The following UGT1A9 variants were observed in gnomAD, a reference collection of about 807,000 sequenced individuals.
The protein encoded by UGT1A9 is UDP glucuronosyltransferase family 1 member A9.
UGT1A9 carries 35 observed loss-of-function variants against 45.0 expected under a neutral mutation model. The observed-to-expected ratio is 0.78, with a 90% confidence interval of 0.59 to 1.03. UGT1A9 has a LOEUF of 1.03. UGT1A9 is among the 50% of genes least tolerant of loss of function. The probability of loss-of-function intolerance (pLI) is 0.00; values close to 1 mark genes in which losing one functional copy is unlikely to be tolerated. For missense variants in UGT1A9, 687 were observed against 666.6 expected (o/e 1.03, Z -0.34); for synonymous variants, 278 against 250.6 (o/e 1.11, Z -1.03).
intron 1 of UGT1A9, chr2:233,721,797 A>C (rs7597496): frequency 3.9e-6 from 2 of 511,786 alleles, no homozygotes; most frequent in African/African-American, 3.9e-5. Context: ...TTTAAAGCAC[A>C]TGCAGCAAAA....
At chr2:233,685,615 C>A (rs1304035336) in intron 1 of UGT1A9, among the ~76,000 whole-genome samples, 1 of 152,224 alleles carries the variant, frequency 6.6e-6, no homozygotes, top group Non-Finnish European at 1.5e-5. Context: ...TTTATTTCAA[C>A]TTTTTATCAT....
chr2:233,746,409 A>G (rs1367378593), intron 1 of UGT1A9, among the ~76,000 whole-genome samples: 2 of 151,722 alleles, frequency 1.3e-5, no homozygotes, highest in Non-Finnish European at 2.9e-5. Flanking sequence ...AGTGTGTCCA[A>G]TGGTGACCTA....
chr2:233,746,916 C>G (rs1283872586), intron 1 of UGT1A9, among the ~76,000 whole-genome samples: 1 of 151,772 alleles, frequency 6.6e-6, no homozygotes, highest in Non-Finnish European at 1.5e-5. Flanking sequence ...TGGGTTTCCA[C>G]AGGCCTTTGT....
chr2:233,712,900 G>A, intron 1 of UGT1A9: 1 of 1,608,716 alleles, frequency 6.2e-7, no homozygotes, highest in Non-Finnish European at 8.5e-7. Context: ...GATTTGCTAG[G>A]TGTCTCAGTG....
At chr2:233,673,323 A>G (rs2074256860) in intron 1 of UGT1A9, among the ~76,000 whole-genome samples, 1 of 152,184 alleles carries the variant, frequency 6.6e-6, no homozygotes. Flanking sequence ...GACAAGTTCT[A>G]TTAATAATTG....
At chr2:233,749,888 T>C (rs1316797004) in intron 1 of UGT1A9, among the ~76,000 whole-genome samples, 2 of 151,790 alleles carry the variant, frequency 1.3e-5, no homozygotes. Flanking sequence ...TTCCTGAGGC[T>C]CCCCCCTCCA....
chr2:233,723,429 C>T (rs1350384184), intron 1 of UGT1A9, among the ~76,000 whole-genome samples: 7 of 134,596 alleles, frequency 5.2e-5, no homozygotes, highest in African/African-American at 1.5e-4. Context: ...AGGCTGGTCT[C>T]GAACTCCTGA....
At chr2:233,677,231 C>G (rs1158558873) in intron 1 of UGT1A9, among the ~76,000 whole-genome samples, 1 of 152,136 alleles carries the variant, frequency 6.6e-6, no homozygotes, top group African/African-American at 2.4e-5. Context: ...AATGTACAGT[C>G]TTTCACATCC....
intron 1 of UGT1A9, among the ~76,000 whole-genome samples, chr2:233,673,148 G>A (rs914780086): frequency 3.3e-5 from 5 of 151,930 alleles, no homozygotes; most frequent in Middle Eastern, 3.2e-3. Context: ...TTCTTTTAAT[G>A]TTTTTAAAAA....
At chr2:233,726,272 G>A (rs896187781) in intron 1 of UGT1A9, among the ~76,000 whole-genome samples, 1 of 152,166 alleles carries the variant, frequency 6.6e-6, no homozygotes, top group African/African-American at 2.4e-5. Flanking sequence ...ATGCGCCTAT[G>A]GTCCCAGGTA....
At chr2:233,715,168 G>A (rs926967380) in intron 1 of UGT1A9, among the ~76,000 whole-genome samples, 5 of 152,054 alleles carry the variant, frequency 3.3e-5, no homozygotes, top group Non-Finnish European at 7.4e-5. Flanking sequence ...TTACAGGCGC[G>A]AGCCACCACA....
intron 1 of UGT1A9, among the ~76,000 whole-genome samples, chr2:233,745,959 A>G (rs923729881): frequency 6.6e-6 from 1 of 151,676 alleles, no homozygotes; most frequent in African/African-American, 2.4e-5. Flanking sequence ...ACTGGGGGAC[A>G]GGGGCCCTGA....
intron 1 of UGT1A9, chr2:233,729,074 T>C: frequency 1.2e-6 from 2 of 1,611,804 alleles, no homozygotes; most frequent in Non-Finnish European, 1.7e-6. Flanking sequence ...AGAAAGCAAA[T>C]GTAGCAGGCA....
At chr2:233,682,646 A>C (rs1441040908) in intron 1 of UGT1A9, 1 of 1,613,772 alleles carries the variant, frequency 6.2e-7, no homozygotes, top group Non-Finnish European at 8.5e-7. Flanking sequence ...AATTCTCCAA[A>C]CCCCTGTCAC....
chr2:233,743,581 A>C lies in UGT1A9; in HGVS notation c.856-23453A>C, dbSNP rs28900376. 32 of 1,367,320 alleles carry C rather than the reference A, an allele frequency of 2.3e-5. No individual in the cohort carries two copies. The East Asian group carries it at 4.1e-4, about 17-fold the overall frequency. 84.7% of individuals were successfully genotyped at this position (1,367,320 alleles called of 1,614,324 possible). Reference sequence around the variant, plus strand: ...TCTCCAGCGGGTTTCCCAAGAGGTCAAAGGAGAATGGGTCCTGGCCGCCGA... The same window carrying C: ...TCTCCAGCGGGTTTCCCAAGAGGTCCAAGGAGAATGGGTCCTGGCCGCCGA... On this transcript the variant is annotated intron_variant, in intron 1 of 4. Transcript: ENST00000354728.
chr2:233,731,619 C>CT (rs1415396682), intron 1 of UGT1A9, among the ~76,000 whole-genome samples: 1 of 152,134 alleles, frequency 6.6e-6, no homozygotes, highest in Non-Finnish European at 1.5e-5. Context: ...TGAACTCATC[C>CT]TTTTTTATGG....
intron 1 of UGT1A9, chr2:233,755,910 A>C (rs1252525299): frequency 2.6e-5 from 4 of 151,394 alleles, no homozygotes; most frequent in African/African-American, 7.3e-5. Flanking sequence ...AAATGTAGTG[A>C]GAAGAGTGGC....
chr2:233,758,754 A>T (rs888171679), intron 1 of UGT1A9, among the ~76,000 whole-genome samples: 16 of 152,250 alleles, frequency 1.1e-4, no homozygotes, highest in Middle Eastern at 6.8e-3. Flanking sequence ...CTGGCCAGTG[A>T]TGTGTATGGT....
At chr2:233,737,721 CT>C (rs1222184655) in intron 1 of UGT1A9, among the ~76,000 whole-genome samples, 14 of 151,438 alleles carry the variant, frequency 9.2e-5, no homozygotes, top group African/African-American at 1.9e-4. Flanking sequence ...CCAACACCTC[CT>C]TTTTTTTTCC....
Sources: allele counts gnomAD v4.1 joint callset (sites outside exome capture counted in the v4.1 genomes callset), GRCh38; gene constraint gnomAD v4.1.1; transcripts MANE v1.5; gene names NCBI Gene and HGNC (gene_info 2026-07-23, HGNC 2026-07-21).